KCNB2: variants seen among roughly 807,000 people sequenced by gnomAD.
KCNB2 encodes the protein potassium voltage-gated channel subfamily B member 2, also known as delayed rectifier potassium channel protein.
In KCNB2, 15 loss-of-function variants were observed where a neutral mutation model predicts 61.5. That is an observed-to-expected ratio of 0.24 (90% CI 0.16 to 0.38). The LOEUF (loss-of-function observed/expected upper bound fraction) is 0.38. KCNB2 is among the 10% of genes least tolerant of loss of function. The probability of loss-of-function intolerance (pLI) is 1.00; values close to 1 mark genes in which losing one functional copy is unlikely to be tolerated. For synonymous variants in KCNB2, 457 were observed against 446.0 expected, an observed-to-expected ratio of 1.02 and a Z score of -0.31; for missense variants, 828 against 1,125.2, an observed-to-expected ratio of 0.74 and a Z score of 3.78.
chr8:72,902,529 T>G (rs1419143965), intron 2 of KCNB2, among the ~76,000 whole-genome samples: 2 of 152,156 alleles, frequency 1.3e-5, no homozygotes, highest in African/African-American at 4.8e-5. Context: ...GTATGCTACA[T>G]GGATATTGAA....
chr8:72,747,110 A>G (rs1239650941), intron 2 of KCNB2, among the ~76,000 whole-genome samples: 4 of 152,200 alleles, frequency 2.6e-5, no homozygotes, highest in Non-Finnish European at 5.9e-5. Context: ...AATGGAAGGC[A>G]TGACACATAT....
At chr8:72,745,259 G>A (rs959929437) in intron 2 of KCNB2, among the ~76,000 whole-genome samples, 1 of 152,152 alleles carries the variant, frequency 6.6e-6, no homozygotes, top group African/African-American at 2.4e-5. Context: ...TAGGAGAGAA[G>A]GAATGTAAGA....
chr8:72,795,112 A>G (rs754286145), intron 2 of KCNB2, among the ~76,000 whole-genome samples: 3 of 152,220 alleles, frequency 2.0e-5, no homozygotes, highest in African/African-American at 4.8e-5. Flanking sequence ...TCGGTACAAG[A>G]TCATTAAGAG....
At chr8:72,572,396 CCAAA>C (rs1563526761) in intron 2 of KCNB2, among the ~76,000 whole-genome samples, 1 of 152,138 alleles carries the variant, frequency 6.6e-6, no homozygotes, top group Non-Finnish European at 1.5e-5. Flanking sequence ...TTCATCTGAA[CCAAA>C]CAGTGAGAGC....
chr8:72,917,748 C>A (rs2128156), intron 2 of KCNB2, among the ~76,000 whole-genome samples: 1 of 151,966 alleles, frequency 6.6e-6, no homozygotes, highest in African/African-American at 2.4e-5. Context: ...AATGTTTTTG[C>A]GGTATAATTT....
chr8:72,575,965 A>T (rs1563527858), intron 2 of KCNB2, among the ~76,000 whole-genome samples: 1 of 152,212 alleles, frequency 6.6e-6, no homozygotes, highest in Non-Finnish European at 1.5e-5. Context: ...ACTGATCCCA[A>T]GTAAGAGCCA....
At chr8:72,707,088 T>C (rs550427891) in intron 2 of KCNB2, among the ~76,000 whole-genome samples, 1 of 152,348 alleles carries the variant, frequency 6.6e-6, no homozygotes, top group South Asian at 2.1e-4. Flanking sequence ...CGAGAGGTTA[T>C]TTAATCTCAA....
At chr8:72,726,532 A>T (rs1411946518) in intron 2 of KCNB2, among the ~76,000 whole-genome samples, 2 of 152,356 alleles carry the variant, frequency 1.3e-5, no homozygotes, top group Non-Finnish European at 2.9e-5. Flanking sequence ...GAAAAGCCAG[A>T]CTATAAGACA....
chr8:72,846,183 C>T (rs1206905185), intron 2 of KCNB2, among the ~76,000 whole-genome samples: 1 of 152,142 alleles, frequency 6.6e-6, no homozygotes, highest in African/African-American at 2.4e-5. Flanking sequence ...CTCACAGCTT[C>T]CCTTGGCTAG....
chr8:72,924,375 T>C (rs774894416), intron 2 of KCNB2, among the ~76,000 whole-genome samples: 1 of 151,530 alleles, frequency 6.6e-6, no homozygotes, highest in Non-Finnish European at 1.5e-5. Flanking sequence ...TTTTTTTAAG[T>C]GGCATGCATT....
chr8:72,719,854 C>T (rs1807518470), intron 2 of KCNB2, among the ~76,000 whole-genome samples: 1 of 151,880 alleles, frequency 6.6e-6, no homozygotes, highest in Non-Finnish European at 1.5e-5. Context: ...AAGGAAAATC[C>T]TAGGAAAAAT....
rs189170944 is a variant in KCNB2, at chr8:72,586,299, T to C, written c.579+17986T>C. Among the ~76,000 whole-genome samples, 707 of 152,354 alleles carry C rather than the reference T, an allele frequency of 4.6e-3. 5 individuals are homozygous for C. The highest frequency in any genetic ancestry group is 0.016 in the African/African-American group (677 of 41,576). On this transcript the variant is annotated intron_variant, in intron 2 of 2. Transcript: ENST00000523207. ...AAAAGATTCCATTTGTAGCCACTTTTTATGGTTGAGGTTTTAGAGTTCCAG... is the reference window on the plus strand; with the variant it reads ...AAAAGATTCCATTTGTAGCCACTTTCTATGGTTGAGGTTTTAGAGTTCCAG...
At chr8:72,866,898 C>T (rs1293398156) in intron 2 of KCNB2, among the ~76,000 whole-genome samples, 2 of 152,116 alleles carry the variant, frequency 1.3e-5, no homozygotes, top group Non-Finnish European at 2.9e-5. Flanking sequence ...AGGGAGGTAT[C>T]CCAGAACCCC....
intron 2 of KCNB2, among the ~76,000 whole-genome samples, chr8:72,583,811 ATT>A (rs34081319): frequency 0.12 from 17,768 of 152,076 alleles, 1,415 homozygotes; most frequent in East Asian, 0.47. Context: ...CATCTAAAAT[ATT>A]TTTACATTTC....
chr8:72,725,075 T>TAAA (rs201484622), intron 2 of KCNB2, among the ~76,000 whole-genome samples: 2 of 152,028 alleles, frequency 1.3e-5, no homozygotes, highest in Admixed American at 6.6e-5. Flanking sequence ...CTTCTCCATT[T>TAAA]AAAAAAATAT....
chr8:72,923,495 G>A (rs1806567298), intron 2 of KCNB2, among the ~76,000 whole-genome samples: 1 of 152,142 alleles, frequency 6.6e-6, no homozygotes, highest in African/African-American at 2.4e-5. Flanking sequence ...AATGTTATAT[G>A]CTGGTCAGCT....
chr8:72,692,309 A>C (rs1806953145), intron 2 of KCNB2, among the ~76,000 whole-genome samples: 1 of 151,756 alleles, frequency 6.6e-6, no homozygotes, highest in Non-Finnish European at 1.5e-5. Flanking sequence ...TTTTTCTATT[A>C]ATTAATTTTT....
intron 2 of KCNB2, among the ~76,000 whole-genome samples, chr8:72,622,337 A>G (rs1230152780): frequency 1.3e-5 from 2 of 152,232 alleles, no homozygotes; most frequent in Admixed American, 6.5e-5. Context: ...ACAGTCTTTC[A>G]CTGTAATCCA....
At chr8:72,555,662 A>G (rs1434023675) in intron 1 of KCNB2, among the ~76,000 whole-genome samples, 3 of 150,848 alleles carry the variant, frequency 2.0e-5, no homozygotes, top group African/African-American at 4.9e-5. Context: ...TTGGCATTTC[A>G]TTTTGGTTTT....
Sources: gnomAD v4.1 joint callset for allele counts (sites outside exome capture counted in the v4.1 genomes callset) on GRCh38, gnomAD v4.1.1 for gene constraint, MANE v1.5 for transcripts, NCBI Gene and HGNC (gene_info 2026-07-23, HGNC 2026-07-21) for gene names.